PRKN: variants seen among roughly 807,000 people sequenced by gnomAD.
PRKN encodes the protein parkin RBR E3 ubiquitin protein ligase.
Under a neutral mutation model 59.5 loss-of-function variants are expected in PRKN, and 56 were observed. That is an observed-to-expected ratio of 0.94 (90% CI 0.76 to 1.18). The LOEUF (loss-of-function observed/expected upper bound fraction) is 1.18, where lower values mean the gene tolerates loss of function less well. PRKN is among the 50% of genes most tolerant of loss of function. PRKN has a pLI of 0.00. For missense variants in PRKN, 657 were observed against 596.4 expected (o/e 1.10, Z -1.06); for synonymous variants, 250 against 222.1 (o/e 1.13, Z -1.12).
At chr6:161,759,975 C>T (rs1467039873) in intron 7 of PRKN, among the ~76,000 whole-genome samples, 1 of 151,786 alleles carries the variant, frequency 6.6e-6, no homozygotes, top group Non-Finnish European at 1.5e-5. Flanking sequence ...GCATAGCAGC[C>T]TAAATGCAAC....
At chr6:162,488,763 T>C (rs1256887169) in intron 1 of PRKN, among the ~76,000 whole-genome samples, 3 of 152,122 alleles carry the variant, frequency 2.0e-5, no homozygotes, top group Non-Finnish European at 2.9e-5. Context: ...AAGGGACAAA[T>C]AGTGCTGGTG....
chr6:161,368,389 A>ATATATATATG, intron 10 of PRKN, among the ~76,000 whole-genome samples: 1 of 139,552 alleles, frequency 7.2e-6, no homozygotes, highest in South Asian at 2.3e-4. Flanking sequence ...CTTGATATAT[A>ATATATATATG]TATATATATA....
chr6:162,697,656 A>G (rs1778016559), intron 1 of PRKN, among the ~76,000 whole-genome samples: 1 of 152,204 alleles, frequency 6.6e-6, no homozygotes, highest in South Asian at 2.1e-4. Flanking sequence ...TGTTCAAACA[A>G]TAGTTTAGGA....
intron 6 of PRKN, among the ~76,000 whole-genome samples, chr6:161,802,629 C>T (rs955323484): frequency 1.7e-4 from 26 of 152,294 alleles, no homozygotes; most frequent in Admixed American, 5.9e-4. Flanking sequence ...TTGCAACGAG[C>T]CCCTCTAACC....
chr6:161,398,089 A>G (rs906929231), intron 9 of PRKN, among the ~76,000 whole-genome samples: 6 of 152,152 alleles, frequency 3.9e-5, no homozygotes, highest in Non-Finnish European at 5.9e-5. Context: ...ATGGCTTTCA[A>G]TGGAGGAGGA....
chr6:162,157,167 T>C (rs1157809925), intron 4 of PRKN, among the ~76,000 whole-genome samples: 2 of 152,016 alleles, frequency 1.3e-5, no homozygotes, highest in Non-Finnish European at 2.9e-5. Context: ...ATTACCTTCC[T>C]ACTCTTTTTA....
At chr6:162,582,706 C>G (rs905862938) in intron 1 of PRKN, among the ~76,000 whole-genome samples, 1 of 152,058 alleles carries the variant, frequency 6.6e-6, no homozygotes, top group Non-Finnish European at 1.5e-5. Context: ...TTTTGAATCC[C>G]GCATAAGACC....
chr6:162,573,238 A>G (rs1780422636), intron 1 of PRKN, among the ~76,000 whole-genome samples: 1 of 152,122 alleles, frequency 6.6e-6, no homozygotes, highest in East Asian at 1.9e-4. Context: ...GCTTACCTCA[A>G]AAACTAAGAC....
At position 162,357,227 on chromosome 6, in the gene PRKN, T is replaced by G. The variant is rs552600368; in HGVS notation, c.171+86083A>C. On this transcript the variant is annotated intron_variant, in intron 2 of 11. Coordinates refer to ENST00000366898, the MANE Select transcript of PRKN (RefSeq NM_004562.3). ...AGAAAATATTCACAAAATATATATC[T>G]GATAAAGGAGTAGTATCCAAGATAT... 3.0e-4 allele frequency among the ~76,000 whole-genome samples: 45 copies of G among 152,216 alleles called. No homozygotes were observed. The South Asian group carries it at 3.5e-3, about 12-fold the overall frequency.
intron 7 of PRKN, among the ~76,000 whole-genome samples, chr6:161,647,367 G>A (rs1783995328): frequency 6.6e-6 from 1 of 152,232 alleles, no homozygotes. Flanking sequence ...CTCTGCCCCT[G>A]CTCACCCTGC....
At position 161,359,230 on chromosome 6, in the gene PRKN, T is replaced by G. The variant is rs568667710; in HGVS notation, c.1285+858A>C. Among the ~76,000 whole-genome samples, 1 of 152,326 alleles carries G rather than the reference T, an allele frequency of 6.6e-6. No homozygotes were observed. The highest frequency in any genetic ancestry group is 1.9e-4 in the East Asian group (1 of 5,180). On this transcript the variant is annotated intron_variant, in intron 11 of 11. Coordinates refer to ENST00000366898, the MANE Select transcript of PRKN (RefSeq NM_004562.3). This position sits in a 1 kb window ranked among gnomAD's most constrained non-coding sequence, Gnocchi z 5.4. ...AGCCACTGATACAGCACTAAGGACT[T>G]GTACTGAGCTAAGCCAGCACCTGCG...
chr6:162,723,349 A>G (rs1409553806), intron 1 of PRKN, among the ~76,000 whole-genome samples: 1 of 152,234 alleles, frequency 6.6e-6, no homozygotes, highest in Non-Finnish European at 1.5e-5. Flanking sequence ...GCAAAAATAA[A>G]AAATCTTCGA....
intron 1 of PRKN, among the ~76,000 whole-genome samples, chr6:162,689,848 G>C (rs1483849059): frequency 2.0e-5 from 3 of 152,186 alleles, no homozygotes; most frequent in African/African-American, 4.8e-5. Flanking sequence ...GCCTGTGACT[G>C]CATGCCCTGC....
Position 162,262,719 on chromosome 6 carries a change from G to C in PRKN, c.218C>G (p.Pro73Arg), listed in dbSNP as rs775743629. Residue 73 changes from proline to arginine, a missense_variant, in exon 3 of 12, where the codon CCG becomes CGG. Coordinates refer to ENST00000366898, the MANE Select transcript of PRKN (RefSeq NM_004562.3). ...ATTCATTTCTTGACCTTTTCTCCAC[G>C]GTCTCTGCACAATGTGAACAATGCT... ...QQSIVHIVQR[P>R]WRKGQEMNAT... 8.1e-6 allele frequency: 13 copies of C among 1,611,420 alleles called. No homozygotes were observed. The highest frequency in any genetic ancestry group is 1.1e-5 in the South Asian group (1 of 91,024).
chr6:162,308,652 A>G (rs1455926846), intron 2 of PRKN, among the ~76,000 whole-genome samples: 2 of 152,124 alleles, frequency 1.3e-5, no homozygotes, highest in African/African-American at 4.8e-5. Context: ...TTTTCCTGTC[A>G]TCTTTTATGA....
At chr6:161,923,415 G>A (rs1778852949) in intron 6 of PRKN, among the ~76,000 whole-genome samples, 1 of 152,122 alleles carries the variant, frequency 6.6e-6, no homozygotes, top group African/African-American at 2.4e-5. Flanking sequence ...CCCGGGAGGT[G>A]GAGGCTGCAG....
At chr6:162,651,056 G>A (rs899372733) in intron 1 of PRKN, among the ~76,000 whole-genome samples, 1 of 152,138 alleles carries the variant, frequency 6.6e-6, no homozygotes, top group African/African-American at 2.4e-5. Flanking sequence ...CAGAGCAGGA[G>A]TTCATACTGA....
chr6:161,875,077 GTA>G (rs1191853862), intron 6 of PRKN, among the ~76,000 whole-genome samples: 42 of 82,768 alleles, frequency 5.1e-4, no homozygotes, highest in Non-Finnish European at 7.2e-4. Flanking sequence ...TATATATAAA[GTA>G]TATATGATAT....
At chr6:161,432,295 A>G (rs1271145142) in intron 9 of PRKN, among the ~76,000 whole-genome samples, 2 of 151,946 alleles carry the variant, frequency 1.3e-5, no homozygotes, top group Non-Finnish European at 2.9e-5. Context: ...GTGACCCCCA[A>G]CAATATTCCT....
Sources: allele counts gnomAD v4.1 joint callset (sites outside exome capture counted in the v4.1 genomes callset), GRCh38; gene constraint gnomAD v4.1.1; non-coding constraint Gnocchi (gnomAD v3.1); transcripts MANE v1.5; gene names NCBI Gene and HGNC (gene_info 2026-07-23, HGNC 2026-07-21).